Variants in PDCD5 observed in about 807,000 individuals in gnomAD.
The protein encoded by PDCD5 is programmed cell death 5, also known as programmed cell death protein 5.
PDCD5 carries 23 observed loss-of-function variants against 21.9 expected under a neutral mutation model. The observed-to-expected ratio is 1.05, with a 90% CI of 0.76 to 1.49. PDCD5 has a LOEUF of 1.49. PDCD5 is among the 40% of genes most tolerant of loss of function. The pLI, the probability that PDCD5 is intolerant of heterozygous loss-of-function variation, is 0.00. For missense variants in PDCD5, 152 were observed against 147.7 expected (o/e 1.03, Z -0.15); for synonymous variants, 45 against 49.4 (o/e 0.91, Z 0.37).
In PDCD5 at chr19:32,581,305, C is replaced by T. The variant is rs756164730; in HGVS notation, c.44C>T (p.Ala15Val). The T allele has an allele frequency of 9.8e-5, 149 of 1,525,546 alleles. No individual in the cohort carries two copies. The highest frequency in any genetic ancestry group is 1.3e-4 in the Non-Finnish European group (148 of 1,140,954). 94.5% of individuals were successfully genotyped at this position (1,525,546 alleles called of 1,614,324 possible). The change falls in exon 1 of 6, where the codon GCC (alanine) becomes GTC (valine). Residue 15 changes from alanine (A) to valine (V), a missense_variant. By Grantham distance (64) the Ala-to-Val change is moderately conservative. Transcript: ENST00000590247. ...GAGGCGCTGAGGAGACAGAGGCTGG[C>T]CGAGCTGCAGGCCAAACACGGGGTG... ...ELEALRRQRL[A>V]ELQAKHGDPG...
At chr19:32,582,812 A>G (rs1037695249) in intron 2 of PDCD5, among the ~76,000 whole-genome samples, 2 of 152,166 alleles carry the variant, frequency 1.3e-5, no homozygotes, top group East Asian at 3.8e-4. Flanking sequence ...CTACTGGACA[A>G]TTCTCTATTT....
chr19:32,583,457 C>CA (rs1971447966), intron 2 of PDCD5, among the ~76,000 whole-genome samples: 1 of 143,790 alleles, frequency 7.0e-6, no homozygotes, highest in Admixed American at 7.0e-5. Context: ...TTTTTTTAAA[C>CA]TTTTTTTTTT....
intron 2 of PDCD5, among the ~76,000 whole-genome samples, chr19:32,582,648 G>A (rs999698028): frequency 6.6e-6 from 1 of 152,110 alleles, no homozygotes; most frequent in Admixed American, 6.6e-5. Context: ...TCGGTGGCAG[G>A]TTTATTGAAT....
intron 4 of PDCD5, chr19:32,586,321 C>G (rs1832316419): frequency 6.8e-6 from 9 of 1,320,800 alleles, no homozygotes; most frequent in Non-Finnish European, 8.7e-6. Flanking sequence ...TTGTGGCAAA[C>G]CTGGCCTTTG....
At chr19:32,583,313 T>C (rs1291617364) in intron 2 of PDCD5, among the ~76,000 whole-genome samples, 1 of 152,178 alleles carries the variant, frequency 6.6e-6, no homozygotes, top group African/African-American at 2.4e-5. Context: ...GTACTGAGAA[T>C]GTTGCTCTTT....
At chr19:32,586,337 A>G in intron 4 of PDCD5, 1 of 1,289,062 alleles carries the variant, frequency 7.8e-7, no homozygotes, top group South Asian at 1.8e-5. Flanking sequence ...CTTTGAGATC[A>G]AGACGAACCC....
intron 5 of PDCD5, 97 bp from the exon 6 acceptor site, chr19:32,587,156 A>G: frequency 9.5e-7 from 1 of 1,048,844 alleles, no homozygotes; most frequent in Non-Finnish European, 1.5e-6. Context: ...CTTTAAAGAC[A>G]CAAATGTCTT....
chr19:32,586,091 C>G (rs547271205), intron 4 of PDCD5, 184 bp downstream of exon 4: 3 of 1,538,354 alleles, frequency 2.0e-6, no homozygotes. Flanking sequence ...TCCTCTGCTT[C>G]GCTCCTTTCC....
At chr19:32,587,107 C>G (rs1971484616) in intron 5 of PDCD5, 146 bp from the exon 6 acceptor site, 1 of 794,470 alleles carries the variant, frequency 1.3e-6, no homozygotes, top group Non-Finnish European at 2.1e-6. Context: ...TTTATAGGCT[C>G]TTGACTCCAT....
intron 1 of PDCD5, among the ~76,000 whole-genome samples, chr19:32,581,887 C>T (rs934780115): frequency 2.6e-5 from 4 of 152,162 alleles, no homozygotes; most frequent in Admixed American, 6.5e-5. Flanking sequence ...ATCGTTGTCC[C>T]TAATACCGAG....
chr19:32,586,512 A>G lies in PDCD5; in HGVS notation c.259-346A>G, dbSNP rs141132055. On this transcript the variant is annotated intron_variant, in intron 4 of 5. Transcript: ENST00000590247. ...AAGGGGATGTTTAAGCTTCTCGGGCAGAAGTGGTGTGTCTATTCCTGACAC... is the reference window on the plus strand; with the variant it reads ...AAGGGGATGTTTAAGCTTCTCGGGCGGAAGTGGTGTGTCTATTCCTGACAC... 2,259 of 1,104,206 alleles carry G rather than the reference A, an allele frequency of 2.0e-3. 54 individuals are homozygous for G. In the South Asian group the frequency reaches 0.045, roughly 22 times the overall value. The allele number at this position is 1,104,206 out of a possible 1,614,324, so 68.4% of individuals were successfully genotyped here.
At chr19:32,586,738 C>G (rs1264691807) in intron 4 of PDCD5, 120 bp from the exon 5 acceptor site, 2 of 1,412,414 alleles carry the variant, frequency 1.4e-6, no homozygotes, top group Non-Finnish European at 1.8e-6. Flanking sequence ...TGCCTCACCA[C>G]TGCTTCCTTC....
At chr19:32,583,481 C>T (rs1304493616) in intron 2 of PDCD5, among the ~76,000 whole-genome samples, 1 of 151,120 alleles carries the variant, frequency 6.6e-6, no homozygotes, top group Non-Finnish European at 1.5e-5. Flanking sequence ...AATAGCCTCG[C>T]TATATCACCC....
At chr19:32,586,395 G>T in intron 4 of PDCD5, 1 of 1,190,134 alleles carries the variant, frequency 8.4e-7, no homozygotes, top group Non-Finnish European at 1.0e-6. Context: ...TACCCGAATT[G>T]GTCCTGTCCC....
intron 3 of PDCD5, 54 bp downstream of exon 3, chr19:32,585,065 G>A: frequency 1.7e-6 from 2 of 1,192,728 alleles, no homozygotes; most frequent in Non-Finnish European, 2.5e-6. Flanking sequence ...GTTGAATGGG[G>A]TGATTAGATA....
At chr19:32,583,002 C>T (rs1169187336) in intron 2 of PDCD5, among the ~76,000 whole-genome samples, 6 of 152,148 alleles carry the variant, frequency 3.9e-5, no homozygotes, top group Admixed American at 3.9e-4. Context: ...TGATTTCTGC[C>T]GTGTACATCT....
chr19:32,586,836 TTA>T lies in PDCD5; in HGVS notation c.259-20_259-19del. 1 of 1,593,674 alleles carries T rather than the reference TTA, an allele frequency of 6.3e-7. No individual in the cohort carries two copies. The highest frequency in any genetic ancestry group is 8.5e-7 in the Non-Finnish European group (1 of 1,174,526). On this transcript the variant is annotated intron_variant, in intron 4 of 5. Coordinates refer to ENST00000590247, the MANE Select transcript of PDCD5 (RefSeq NM_004708.4). ...TTTGTTTAAAAAAGTACTGTTTTTC[TTA>T]TCTTTTCTGGTTCTCCTAGGTATCA...
chr19:32,585,321 G>T (rs1013546565), intron 3 of PDCD5, among the ~76,000 whole-genome samples: 5 of 152,216 alleles, frequency 3.3e-5, no homozygotes, highest in Middle Eastern at 3.4e-3. Flanking sequence ...TGGGGACTGG[G>T]GATGGGGGAC....
At position 32,585,968 on chromosome 19, in the gene PDCD5, A is replaced by C. The variant is rs376445308; in HGVS notation, c.258+61A>C. 23 of 1,614,026 alleles carry C rather than the reference A, an allele frequency of 1.4e-5. No individual in the cohort carries two copies. In the South Asian group the frequency reaches 2.4e-4, roughly 17 times the overall value. On this transcript the variant is annotated intron_variant, in intron 4 of 5. Coordinates refer to ENST00000590247, the MANE Select transcript of PDCD5 (RefSeq NM_004708.4). ...CCTGCTTTATCAAAACATGGCTTCA[A>C]AAGGTCAGCTGCATCTTCACTGGAT...
Sources: allele counts gnomAD v4.1 joint callset (sites outside exome capture counted in the v4.1 genomes callset), GRCh38; gene constraint gnomAD v4.1.1; transcripts MANE v1.5; gene names NCBI Gene and HGNC (gene_info 2026-07-23, HGNC 2026-07-21).